GTF2F2: variants seen among roughly 807,000 people sequenced by gnomAD.
GTF2F2 encodes the protein ATP-dependent helicase GTF2F2.
Under a neutral mutation model 42.2 loss-of-function variants are expected in GTF2F2, and 23 were observed. The observed-to-expected ratio is 0.55, with a 90% CI of 0.39 to 0.77. GTF2F2 has a LOEUF of 0.77. Among genes scored for constraint, GTF2F2 ranks in the 30% least tolerant of loss-of-function variants. The probability of loss-of-function intolerance (pLI) is 0.00; values close to 1 mark genes in which losing one functional copy is unlikely to be tolerated. For missense variants in GTF2F2, 261 were observed against 287.2 expected, an observed-to-expected ratio of 0.91 and a Z score of 0.66; for synonymous variants, 105 against 100.8, an observed-to-expected ratio of 1.04 and a Z score of -0.25.
chr13:45,123,739 T>A (rs2138083498), intron 1 of GTF2F2, among the ~76,000 whole-genome samples: 1 of 151,472 alleles, frequency 6.6e-6, no homozygotes, highest in East Asian at 1.9e-4. Context: ...TAACAAAATA[T>A]CCAGGACCTG....
chr13:45,207,961 A>G (rs943119957), intron 5 of GTF2F2, among the ~76,000 whole-genome samples: 3 of 152,084 alleles, frequency 2.0e-5, no homozygotes, highest in African/African-American at 7.2e-5. Context: ...GTTTGAGACC[A>G]ACCTGGGCAA....
intron 5 of GTF2F2, among the ~76,000 whole-genome samples, chr13:45,236,441 G>T (rs1265895945): frequency 6.6e-6 from 1 of 151,486 alleles, no homozygotes; most frequent in East Asian, 1.9e-4. Flanking sequence ...ATGGTGTCAA[G>T]AAGATTGCTA....
At chr13:45,261,425 C>CAAAAAAAA (rs976923932) in intron 6 of GTF2F2, among the ~76,000 whole-genome samples, 2 of 58,884 alleles carry the variant, frequency 3.4e-5, no homozygotes, top group African/African-American at 4.5e-5. Context: ...GACTCCATCT[C>CAAAAAAAA]AAAAAAAAAA....
intron 4 of GTF2F2, among the ~76,000 whole-genome samples, chr13:45,197,852 T>C (rs1872977688): frequency 6.6e-6 from 1 of 152,236 alleles, no homozygotes; most frequent in Non-Finnish European, 1.5e-5. Flanking sequence ...GCCTTGCAGA[T>C]ACAAACCGGA....
At chr13:45,274,528 A>C (rs1876944078) in intron 7 of GTF2F2, among the ~76,000 whole-genome samples, 1 of 151,870 alleles carries the variant, frequency 6.6e-6, no homozygotes. Flanking sequence ...ACCGGGTTTC[A>C]CTGTATTAGC....
intron 4 of GTF2F2, among the ~76,000 whole-genome samples, chr13:45,179,419 A>G (rs1012776167): frequency 6.6e-6 from 1 of 152,308 alleles, no homozygotes; most frequent in African/African-American, 2.4e-5. Flanking sequence ...AAGCATGCCA[A>G]TACTTGGGGT....
chr13:45,214,047 A>G (rs78646486), intron 5 of GTF2F2, among the ~76,000 whole-genome samples: 1 of 152,224 alleles, frequency 6.6e-6, no homozygotes, highest in East Asian at 1.9e-4. Flanking sequence ...TTAATCAGTG[A>G]GTTTTTACTG....
chr13:45,126,666 A>G, intron 1 of GTF2F2, among the ~76,000 whole-genome samples: 1 of 142,032 alleles, frequency 7.0e-6, no homozygotes, highest in Non-Finnish European at 1.6e-5. Flanking sequence ...CAAAACGGAC[A>G]TGGTATATAT....
At chr13:45,275,716 G>A (rs1877005750) in intron 7 of GTF2F2, among the ~76,000 whole-genome samples, 1 of 151,990 alleles carries the variant, frequency 6.6e-6, no homozygotes, top group South Asian at 2.1e-4. Context: ...TGGACATTTG[G>A]GTTGGTTCCA....
At chr13:45,122,934 C>CG (rs1216368947) in intron 1 of GTF2F2, among the ~76,000 whole-genome samples, 1 of 151,660 alleles carries the variant, frequency 6.6e-6, no homozygotes, top group Non-Finnish European at 1.5e-5. Flanking sequence ...GAGTTTTGAG[C>CG]GGGAAAAAAA....
chr13:45,129,774 G>A (rs1454329279), intron 1 of GTF2F2, among the ~76,000 whole-genome samples: 1 of 152,132 alleles, frequency 6.6e-6, no homozygotes, highest in Non-Finnish European at 1.5e-5. Flanking sequence ...GAGAATAGAC[G>A]ATAAACAAAT....
chr13:45,149,644 TA>T, intron 2 of GTF2F2, 125 bp from the exon 3 acceptor site: 1 of 947,940 alleles, frequency 1.1e-6, no homozygotes, highest in Non-Finnish European at 1.5e-6. Context: ...CAAGGGTAAA[TA>T]TTGGTTAATC....
At chr13:45,264,841 G>A (rs1444967116) in intron 6 of GTF2F2, among the ~76,000 whole-genome samples, 7 of 152,272 alleles carry the variant, frequency 4.6e-5, no homozygotes, top group Non-Finnish European at 5.9e-5. Context: ...TACTTTACCA[G>A]TGGGCTTATT....
chr13:45,185,787 G>C (rs533153992), intron 4 of GTF2F2, among the ~76,000 whole-genome samples: 4 of 151,894 alleles, frequency 2.6e-5, no homozygotes. Flanking sequence ...TCTTCTGTTT[G>C]GTGTCTCTCT....
chr13:45,242,824 A>C (rs1324353533), intron 5 of GTF2F2, among the ~76,000 whole-genome samples: 2 of 152,186 alleles, frequency 1.3e-5, no homozygotes, highest in Non-Finnish European at 2.9e-5. Context: ...TGTACTTAGA[A>C]ATGAGATAAA....
At chr13:45,272,895 A>G (rs1876858752) in intron 7 of GTF2F2, among the ~76,000 whole-genome samples, 1 of 149,460 alleles carries the variant, frequency 6.7e-6, no homozygotes, top group South Asian at 2.1e-4. Flanking sequence ...AGTTAGGACT[A>G]CAGGCATGCC....
At chr13:45,215,744 C>T (rs1400948515) in intron 5 of GTF2F2, among the ~76,000 whole-genome samples, 29 of 144,080 alleles carry the variant, frequency 2.0e-4, no homozygotes, top group Admixed American at 3.6e-4. Flanking sequence ...GGTGACAGAG[C>T]GGGACTCTGT....
intron 2 of GTF2F2, among the ~76,000 whole-genome samples, chr13:45,140,624 A>G (rs1593450676): frequency 6.6e-6 from 1 of 152,222 alleles, no homozygotes; most frequent in African/African-American, 2.4e-5. Flanking sequence ...GATGTGTCAC[A>G]TTTTTATGAG....
intron 7 of GTF2F2, among the ~76,000 whole-genome samples, chr13:45,276,134 A>G (rs1170294684): frequency 6.6e-6 from 1 of 152,220 alleles, no homozygotes; most frequent in Non-Finnish European, 1.5e-5. Flanking sequence ...AAAGAATCAG[A>G]AGATTTTTGA....
Sources: gnomAD v4.1 joint callset for allele counts (sites outside exome capture counted in the v4.1 genomes callset) on GRCh38, gnomAD v4.1.1 for gene constraint, MANE v1.5 for transcripts, NCBI Gene and HGNC (gene_info 2026-07-23, HGNC 2026-07-21) for gene names.